Variants in CLIP2 observed in about 807,000 individuals in gnomAD.
The protein encoded by CLIP2 is CAP-Gly domain-containing linker protein 2.
CLIP2 carries 41 observed loss-of-function variants against 111.7 expected under a neutral mutation model. The observed-to-expected ratio is 0.37, with a 90% CI of 0.29 to 0.48. The LOEUF is 0.48. Ranked by LOEUF, CLIP2 falls within the 20% of genes least tolerant of loss-of-function variation. The pLI, the probability that CLIP2 is intolerant of heterozygous loss-of-function variation, is 0.99. For synonymous variants in CLIP2, 660 were observed against 644.2 expected, an observed-to-expected ratio of 1.02 and a Z score of -0.37; for missense variants, 1,160 against 1,422.1, an observed-to-expected ratio of 0.82 and a Z score of 2.96.
chr7:74,319,138 A>C (rs1554729615), intron 2 of CLIP2, among the ~76,000 whole-genome samples: 1 of 151,916 alleles, frequency 6.6e-6, no homozygotes, highest in African/African-American at 2.4e-5. Flanking sequence ...TCGGGGGATG[A>C]GGTGGGGTGG....
chr7:74,335,395 A>G (rs1199172643), intron 2 of CLIP2, among the ~76,000 whole-genome samples: 1 of 151,804 alleles, frequency 6.6e-6, no homozygotes, highest in Non-Finnish European at 1.5e-5. Flanking sequence ...GGGTCTTGCT[A>G]TGTTGCCCAC....
rs1414262012 is a variant in CLIP2, at chr7:74,338,669, G to A, written c.343G>A (p.Asp115Asn). 4 of 1,576,802 alleles carry A rather than the reference G, an allele frequency of 2.5e-6. No individual in the cohort carries two copies. Among genetic ancestry groups the A allele is most frequent in the Non-Finnish European group, 3.4e-6 (4 of 1,164,666 alleles). ...CCAGTGGGCTGGCGTGGTGCTGGAC[G>A]ACCCGGTGGGCAAGAATGATGGCGC... Reference protein sequence around the residue: ...PGQWAGVVLDDPVGKNDGAVG... With the variant: ...PGQWAGVVLDNPVGKNDGAVG... The change falls in exon 3 of 17, where the codon GAC (aspartate) becomes AAC (asparagine). Residue 115 changes from aspartate to asparagine, a missense_variant. Transcript: ENST00000223398. This position sits in a 1 kb window ranked among gnomAD's most constrained non-coding sequence, Gnocchi z 4.3.
intron 14 of CLIP2, among the ~76,000 whole-genome samples, chr7:74,399,553 G>GGC (rs1554317233): frequency 1.7e-5 from 2 of 117,364 alleles, no homozygotes; most frequent in Non-Finnish European, 3.6e-5. Flanking sequence ...GGGGGGGGGG[G>GGC]GGTGGGGACC....
intron 1 of CLIP2, among the ~76,000 whole-genome samples, chr7:74,314,058 C>A (rs1788708836): frequency 6.6e-6 from 1 of 151,850 alleles, no homozygotes; most frequent in African/African-American, 2.4e-5. Context: ...TGGCGGGCGC[C>A]TGTAGTCTGA....
At chr7:74,325,435 C>G (rs558328261) in intron 2 of CLIP2, among the ~76,000 whole-genome samples, 1 of 152,198 alleles carries the variant, frequency 6.6e-6, no homozygotes, top group South Asian at 2.1e-4. Flanking sequence ...CAGGGACGGC[C>G]TGGCTCCAGT....
chr7:74,301,174 A>T (rs1788324769), intron 1 of CLIP2, among the ~76,000 whole-genome samples: 1 of 152,074 alleles, frequency 6.6e-6, no homozygotes, highest in South Asian at 2.1e-4. Flanking sequence ...GCATGTTCTG[A>T]TGATCTGTGA....
At chr7:74,343,602 G>A (rs1789720580) in intron 3 of CLIP2, among the ~76,000 whole-genome samples, 1 of 151,992 alleles carries the variant, frequency 6.6e-6, no homozygotes. Flanking sequence ...CATTAAGAGA[G>A]CTGATGGCAG....
intron 11 of CLIP2, among the ~76,000 whole-genome samples, chr7:74,384,276 G>A (rs1016712475): frequency 1.4e-4 from 22 of 151,952 alleles, no homozygotes; most frequent in Admixed American, 9.2e-4. Flanking sequence ...TGGACATACC[G>A]CATTTTGTTG....
chr7:74,394,950 T>C (rs782634296), intron 13 of CLIP2, among the ~76,000 whole-genome samples: 29 of 152,162 alleles, frequency 1.9e-4, no homozygotes, highest in Non-Finnish European at 3.2e-4. Flanking sequence ...AGGATGCCCC[T>C]CTGCTGAGTC....
chr7:74,335,643 T>TTTCCTTCCTTCA (rs1789427361), intron 2 of CLIP2, among the ~76,000 whole-genome samples: 1 of 137,856 alleles, frequency 7.3e-6, no homozygotes, highest in Non-Finnish European at 1.6e-5. Context: ...CCTGGCTTAT[T>TTTCCTTCCTTCA]TTCCTTCCTT....
intron 7 of CLIP2, among the ~76,000 whole-genome samples, chr7:74,361,282 ATCTCGGC>A (rs1442792667): frequency 6.9e-6 from 1 of 144,604 alleles, no homozygotes; most frequent in Non-Finnish European, 1.5e-5. Context: ...CAATGGTGCG[ATCTCGGC>A]TCACTGCAAT....
chr7:74,398,996 G>C (rs1385023756), intron 14 of CLIP2, among the ~76,000 whole-genome samples: 1 of 152,340 alleles, frequency 6.6e-6, no homozygotes, highest in East Asian at 1.9e-4. Flanking sequence ...TCATCTCCCT[G>C]CACTGTGTCC....
At chr7:74,394,593 C>T (rs1554316402) in intron 13 of CLIP2, among the ~76,000 whole-genome samples, 1 of 152,236 alleles carries the variant, frequency 6.6e-6, no homozygotes, top group Admixed American at 6.5e-5. Flanking sequence ...CTCTTTGAAG[C>T]ACAGACATCC....
intron 2 of CLIP2, among the ~76,000 whole-genome samples, chr7:74,320,612 G>A (rs1554729893): frequency 6.6e-6 from 1 of 152,180 alleles, no homozygotes; most frequent in East Asian, 1.9e-4. Flanking sequence ...GGGCCACTGT[G>A]CAGAGAACGG....
chr7:74,349,605 A>G (rs1177539526), intron 3 of CLIP2, among the ~76,000 whole-genome samples: 1 of 150,652 alleles, frequency 6.6e-6, no homozygotes, highest in Non-Finnish European at 1.5e-5. Flanking sequence ...AGCCAGACAC[A>G]AATGGCCACA....
chr7:74,390,973 C>T (rs528535426), intron 13 of CLIP2, among the ~76,000 whole-genome samples: 4 of 151,780 alleles, frequency 2.6e-5, no homozygotes, highest in African/African-American at 4.8e-5. Flanking sequence ...CTCTTGAACC[C>T]GGAAGGCGGA....
chr7:74,302,869 G>A (rs1428766008), intron 1 of CLIP2, among the ~76,000 whole-genome samples: 2 of 152,186 alleles, frequency 1.3e-5, no homozygotes, highest in Admixed American at 6.5e-5. Flanking sequence ...CTGGATGGCC[G>A]CCAGGCCAAT....
chr7:74,346,207 C>A (rs1272516417), intron 3 of CLIP2, among the ~76,000 whole-genome samples: 1 of 152,048 alleles, frequency 6.6e-6, no homozygotes, highest in African/African-American at 2.4e-5. Flanking sequence ...TCTTGAACTC[C>A]TGGGCTCAAG....
intron 1 of CLIP2, among the ~76,000 whole-genome samples, chr7:74,294,458 C>T (rs1271957829): frequency 1.3e-5 from 2 of 152,212 alleles, no homozygotes; most frequent in Non-Finnish European, 2.9e-5. Flanking sequence ...TTTCTTGCTC[C>T]ATGGCTGGGA....
Sources: allele counts gnomAD v4.1 joint callset (sites outside exome capture counted in the v4.1 genomes callset), GRCh38; gene constraint gnomAD v4.1.1; non-coding constraint Gnocchi (gnomAD v3.1); transcripts MANE v1.5; gene names NCBI Gene and HGNC (gene_info 2026-07-23, HGNC 2026-07-21).